OXNAD1: variants seen among roughly 807,000 people sequenced by gnomAD.
The protein encoded by OXNAD1 is oxidoreductase NAD-binding domain-containing protein 1.
A neutral mutation model predicts 32.9 loss-of-function variants in OXNAD1; 34 were observed. The observed-to-expected ratio is 1.03, with a 90% confidence interval of 0.79 to 1.38. OXNAD1 has a LOEUF of 1.38. Ranked by LOEUF, OXNAD1 falls within the 40% of genes most tolerant of loss-of-function variation. OXNAD1 has a pLI of 0.00. For synonymous variants in OXNAD1, 134 were observed against 135.2 expected, an observed-to-expected ratio of 0.99 and a Z score of 0.06; for missense variants, 407 against 379.4, an observed-to-expected ratio of 1.07 and a Z score of -0.60.
intron 9 of OXNAD1, among the ~76,000 whole-genome samples, chr3:16,313,205 A>AGTTTTTTTTTTTTTTT (rs2068093469): frequency 9.6e-6 from 1 of 103,812 alleles, no homozygotes; most frequent in Non-Finnish European, 1.9e-5. Flanking sequence ...CACCCAGCGG[A>AGTTTTTTTTTTTTTTT]TTTTTTTTTT....
rs1319859921 is a variant in OXNAD1 at position 16,320,886 on chromosome 3, A to G, written c.*31-16226A>G. Among the ~76,000 whole-genome samples the G allele has an allele frequency of 2.0e-5, 3 of 152,240 alleles. No individual in the cohort carries two copies. On this transcript the variant is annotated intron_variant, in intron 9 of 9. Coordinates refer to the OXNAD1 transcript ENST00000435829. The surrounding 1 kb of genome is among the most constrained non-coding windows in gnomAD (Gnocchi z 4.5). The stretch of plus-strand genomic sequence containing the variant: ...ATACAAAACTAGAACTCCTTTGAGC[A>G]GTGGGATGACAGGATTCAAGTTCCC...
In OXNAD1 at chr3:16,303,352, A is replaced by G; in HGVS notation, c.785-56A>G. ...TCTGAATTGTGGTTAGTCCTTCCTC[A>G]TTTGCTGATACAACCATGTCTGGCT... On this transcript the variant is annotated intron_variant, in intron 8 of 8. Transcript: ENST00000285083. This position sits in a 1 kb window ranked among gnomAD's most constrained non-coding sequence, Gnocchi z 4.8. The G allele has an allele frequency of 6.3e-7, 1 of 1,586,326 alleles. No homozygotes were observed.
chr3:16,294,751 T>G, intron 5 of OXNAD1, 105 bp from the exon 6 acceptor site: 1 of 1,101,796 alleles, frequency 9.1e-7, no homozygotes. Context: ...ATTCTTGATT[T>G]TAGTAATTTT....
chr3:16,310,652 A>G (rs1413726753), downstream of OXNAD1, among the ~76,000 whole-genome samples: 1 of 152,162 alleles, frequency 6.6e-6, no homozygotes, highest in East Asian at 1.9e-4. Flanking sequence ...TTCTCCACCA[A>G]TTCCTGGCTC....
chr3:16,303,482 C>CCA lies in OXNAD1; in HGVS notation c.860_861dup (p.Met288GlnfsTer2). ...TTTGTTCTATATTTGTGGCCCACCT[C>CCA]CAATGACAGACTTTTTCTCCAAGCA... On this transcript the variant is annotated frameshift_variant, in exon 9 of 9. Transcript: ENST00000285083. LOFTEE classifies it high-confidence loss of function. The surrounding 1 kb of genome is among the most constrained non-coding windows in gnomAD (Gnocchi z 4.8). The CCA allele has an allele frequency of 6.2e-7, 1 of 1,614,052 alleles. No homozygotes were observed. The highest frequency in any genetic ancestry group is 8.5e-7 in the Non-Finnish European group (1 of 1,179,954).
chr3:16,340,591 T>C (rs956813220), downstream of OXNAD1, among the ~76,000 whole-genome samples: 8 of 152,244 alleles, frequency 5.3e-5, no homozygotes, highest in African/African-American at 1.7e-4. Flanking sequence ...AGCCAACTGA[T>C]AGAGACTGAA....
rs903809741 is a variant in OXNAD1 at position 16,324,616 on chromosome 3, C to G, written c.*31-12496C>G. ...AATAAATAACAGAATGTCCCTGACC[C>G]CCCCCCTTTTAAGGTTGCATAGTAT... On this transcript the variant is annotated intron_variant, in intron 9 of 9. Transcript: ENST00000435829. Among the ~76,000 whole-genome samples the G allele has an allele frequency of 2.8e-5, 4 of 144,880 alleles. 1 individual carries two copies. The highest frequency in any genetic ancestry group is 1.0e-4 in the African/African-American group (4 of 39,260).
At chr3:16,338,448 C>T (rs370644970), downstream of OXNAD1, among the ~76,000 whole-genome samples, 127 of 152,352 alleles carry the variant, frequency 8.3e-4, no homozygotes, top group African/African-American at 2.5e-3. This position sits in a 1 kb window ranked among gnomAD's most constrained non-coding sequence, Gnocchi z 5.3. Context: ...AGCTGCTCAT[C>T]GGGACCACGT....
At chr3:16,266,238 A>G (rs1242163669) in intron 1 of OXNAD1, among the ~76,000 whole-genome samples, 1 of 152,196 alleles carries the variant, frequency 6.6e-6, no homozygotes. Flanking sequence ...TTTTGCACGG[A>G]AATTATGAGC....
Position 16,316,772 on chromosome 3 carries a change from G to T in OXNAD1, c.*30+13180G>T. 6.2e-7 allele frequency: 1 copy of T among 1,602,292 alleles called. No homozygotes were observed. The highest frequency in any genetic ancestry group is 8.5e-7 in the Non-Finnish European group (1 of 1,171,624). Reference sequence around the variant, plus strand: ...GAAACCAGCCCCCAAACCAGCTGTTGGTAAGATGCCTTGGGTTTGGCAACT... The same window carrying T: ...GAAACCAGCCCCCAAACCAGCTGTTTGTAAGATGCCTTGGGTTTGGCAACT... On this transcript the variant is annotated intron_variant, in intron 9 of 9. Transcript: ENST00000435829. The surrounding 1 kb of genome is among the most constrained non-coding windows in gnomAD (Gnocchi z 4.5).
rs2125102041 is a variant in OXNAD1 at position 16,303,590 on chromosome 3, G to A, written c.*28G>A. 6.2e-7 allele frequency: 1 copy of A among 1,608,996 alleles called. No individual in the cohort carries two copies. The highest frequency in any genetic ancestry group is 2.2e-5 in the East Asian group (1 of 44,454). On this transcript the variant is annotated 3_prime_UTR_variant, in exon 9 of 9. Coordinates refer to ENST00000285083, the MANE Select transcript of OXNAD1 (RefSeq NM_138381.5). This position sits in a 1 kb window ranked among gnomAD's most constrained non-coding sequence, Gnocchi z 4.8. ...GGCAGACAAAGGCAGAAAAAATAAA[G>A]AGGTGAGATCTACTCAGGAGAGCTC...
chr3:16,265,219 A>T lies in OXNAD1; in HGVS notation c.-445A>T. The T allele has an allele frequency of 3.4e-6, 1 of 295,898 alleles. No individual in the cohort carries two copies. The highest frequency in any genetic ancestry group is 6.4e-6 in the Non-Finnish European group (1 of 155,884). The allele number at this position is 295,898 out of a possible 1,614,324, so 18.3% of individuals were successfully genotyped here. On this transcript the variant is annotated 5_prime_UTR_variant, in exon 1 of 9. Coordinates refer to ENST00000285083, the MANE Select transcript of OXNAD1 (RefSeq NM_138381.5). The surrounding 1 kb of genome is among the most constrained non-coding windows in gnomAD (Gnocchi z 4.8). The stretch of plus-strand genomic sequence containing the variant: ...CACGTCTGGGACCGCGGAGTATTCC[A>T]GGCGCCTGCAACTAAACGTGGCCGG...
At chr3:16,294,050 C>G (rs1249342695) in intron 5 of OXNAD1, among the ~76,000 whole-genome samples, 1 of 152,104 alleles carries the variant, frequency 6.6e-6, no homozygotes, top group Non-Finnish European at 1.5e-5. Flanking sequence ...CTTTCAATGT[C>G]TTTGTCTGGC....
chr3:16,293,088 A>C (rs531809969), intron 5 of OXNAD1, among the ~76,000 whole-genome samples: 2 of 152,344 alleles, frequency 1.3e-5, no homozygotes, highest in Admixed American at 6.5e-5. Context: ...TAAGTATTGC[A>C]TTGAATCTGT....
chr3:16,311,381 A>G (rs1327382164), intron 9 of OXNAD1, among the ~76,000 whole-genome samples: 1 of 152,092 alleles, frequency 6.6e-6, no homozygotes, highest in Non-Finnish European at 1.5e-5. Context: ...TAATAGAGAC[A>G]GGGTTTCACC....
rs1559794399 is a variant in OXNAD1, at chr3:16,316,857, T to TG, written c.*30+13266dup. On this transcript the variant is annotated intron_variant, in intron 9 of 9. Transcript: ENST00000435829. This position sits in a 1 kb window ranked among gnomAD's most constrained non-coding sequence, Gnocchi z 4.5. ...TTTTCTTCAACCGTACCAAGCTCTC[T>TG]GACTTCCTCAGCATCCCCGTCCCTG... 1 of 1,614,184 alleles carries TG rather than the reference T, an allele frequency of 6.2e-7. No individual in the cohort carries two copies. The highest frequency in any genetic ancestry group is 1.1e-5 in the South Asian group (1 of 91,092).
intron 9 of OXNAD1, among the ~76,000 whole-genome samples, chr3:16,313,289 T>G (rs904015933): frequency 6.0e-5 from 9 of 149,050 alleles, no homozygotes; most frequent in African/African-American, 2.3e-4. Flanking sequence ...GCGATCCTTC[T>G]GTCTCAGCCT....
chr3:16,325,439 T>C (rs1490314682), intron 9 of OXNAD1, among the ~76,000 whole-genome samples: 2 of 152,218 alleles, frequency 1.3e-5, no homozygotes, highest in Admixed American at 6.5e-5. Flanking sequence ...CTTAGGTGGC[T>C]CAGAACCAGC....
At chr3:16,291,451 C>CT (rs1408863773) in intron 5 of OXNAD1, among the ~76,000 whole-genome samples, 1 of 152,170 alleles carries the variant, frequency 6.6e-6, no homozygotes, top group Non-Finnish European at 1.5e-5. Context: ...GACCACTAAT[C>CT]TATTTTGTCT....
Sources: gnomAD v4.1 joint callset for allele counts (sites outside exome capture counted in the v4.1 genomes callset) on GRCh38, gnomAD v4.1.1 for gene constraint, Gnocchi (gnomAD v3.1) non-coding constraint, MANE v1.5 for transcripts, NCBI Gene and HGNC (gene_info 2026-07-23, HGNC 2026-07-21) for gene names.